Variants in UNC79 observed in about 807,000 individuals in gnomAD.
UNC79 encodes the protein protein unc-79 homolog.
UNC79 carries 37 observed loss-of-function variants against 283.1 expected under a neutral mutation model. The ratio of observed to expected loss-of-function variants is 0.13; its 90% confidence interval spans 0.10 to 0.17. UNC79 has a LOEUF of 0.17. Ranked by LOEUF, UNC79 falls within the 10% of genes least tolerant of loss-of-function variation. UNC79 has a pLI of 1.00. For synonymous variants in UNC79, 1,107 were observed against 1,200.2 expected (o/e 0.92, Z 1.61); for missense variants, 2,272 against 3,211.1 (o/e 0.71, Z 7.07).
At chr14:93,668,573 A>G (rs548048419) in intron 40 of UNC79, among the ~76,000 whole-genome samples, 1 of 151,728 alleles carries the variant, frequency 6.6e-6, no homozygotes, top group Admixed American at 6.6e-5. Context: ...GGCGGGGCAA[A>G]GTGGCTCATG....
chr14:93,654,011 A>G (rs1195431587), exon 37 of UNC79: 2 of 1,614,122 alleles, frequency 1.2e-6, no homozygotes, highest in Middle Eastern at 1.7e-4. Flanking sequence ...CGCAGCTCTC[A>G]GTCAGCTCCT....
intron 41 of UNC79, among the ~76,000 whole-genome samples, chr14:93,678,690 G>A (rs11848254): frequency 9.2e-5 from 14 of 151,778 alleles, no homozygotes; most frequent in African/African-American, 3.4e-4. Flanking sequence ...TTCCCCAGCT[G>A]CCTCTATTGT....
chr14:93,698,776 G>A (rs116814906), intron 47 of UNC79, among the ~76,000 whole-genome samples: 1,555 of 152,224 alleles, frequency 0.01, 27 homozygotes, highest in African/African-American at 0.034. Flanking sequence ...ATAAGCCACC[G>A]TGCTCAGGCT....
chr14:93,623,431 T>C (rs889997960), intron 30 of UNC79, among the ~76,000 whole-genome samples: 1 of 152,226 alleles, frequency 6.6e-6, no homozygotes, highest in African/African-American at 2.4e-5. Context: ...GCCCATGGGT[T>C]TCCTGCCTCA....
intron 41 of UNC79, 56 bp downstream of exon 44, chr14:93,673,511 A>G: frequency 6.7e-7 from 1 of 1,482,248 alleles, no homozygotes; most frequent in East Asian, 2.3e-5. Context: ...TGTTTGGGAA[A>G]ATTAAGGGAG....
chr14:93,512,097 G>A (rs564677856), intron 7 of UNC79, among the ~76,000 whole-genome samples: 2 of 152,198 alleles, frequency 1.3e-5, no homozygotes, highest in Admixed American at 6.5e-5. Flanking sequence ...TATTGCCTGT[G>A]TTATTTAGGA....
At chr14:93,386,746 T>C (rs575095703) in intron 1 of UNC79, among the ~76,000 whole-genome samples, 10 of 152,068 alleles carry the variant, frequency 6.6e-5, no homozygotes, top group Non-Finnish European at 1.0e-4. Flanking sequence ...CCAATTTAAT[T>C]CCTTTGGTAT....
chr14:93,639,214 T>C (rs923371633), intron 32 of UNC79, among the ~76,000 whole-genome samples: 2 of 152,202 alleles, frequency 1.3e-5, no homozygotes, highest in African/African-American at 4.8e-5. Context: ...CAATTTCTTA[T>C]GTTTCTAGTA....
intron 30 of UNC79, among the ~76,000 whole-genome samples, chr14:93,623,766 G>A (rs1440873289): frequency 3.3e-5 from 5 of 152,166 alleles, no homozygotes; most frequent in African/African-American, 4.8e-5. Flanking sequence ...GGTGGCGCAC[G>A]CCTATCATCC....
At chr14:93,340,758 G>T (rs912550251) in intron 1 of UNC79, among the ~76,000 whole-genome samples, 1 of 151,972 alleles carries the variant, frequency 6.6e-6, no homozygotes, top group Non-Finnish European at 1.5e-5. Flanking sequence ...TTTTTGTAGA[G>T]ATGGGGTTTT....
At chr14:93,403,829 T>C (rs2055160380) in intron 1 of UNC79, among the ~76,000 whole-genome samples, 2 of 151,088 alleles carry the variant, frequency 1.3e-5, no homozygotes, top group Non-Finnish European at 2.9e-5. Flanking sequence ...AACAATGATA[T>C]CATCTTGAAA....
upstream of UNC79, among the ~76,000 whole-genome samples, chr14:93,428,532 A>G (rs1237993294): frequency 1.3e-5 from 2 of 152,200 alleles, no homozygotes; most frequent in African/African-American, 4.8e-5. Context: ...AGTAATGGAT[A>G]TGGCCCAGGT....
intron 23 of UNC79, 126 bp downstream of exon 23, chr14:93,593,963 G>A: frequency 9.3e-7 from 1 of 1,075,416 alleles, no homozygotes; most frequent in South Asian, 1.8e-5. Flanking sequence ...GCTGGCTGGT[G>A]TCCTTTGGGG....
intron 1 of UNC79, among the ~76,000 whole-genome samples, chr14:93,393,624 C>A (rs887592917): frequency 1.3e-5 from 2 of 152,140 alleles, no homozygotes; most frequent in African/African-American, 2.4e-5. Flanking sequence ...AATATGCAAA[C>A]TTTTCTAGGT....
At chr14:93,390,730 A>G (rs961740139) in intron 1 of UNC79, among the ~76,000 whole-genome samples, 2 of 152,218 alleles carry the variant, frequency 1.3e-5, no homozygotes, top group Non-Finnish European at 2.9e-5. Flanking sequence ...AATTTTGAGT[A>G]TTCTTGGAAT....
chr14:93,608,728 G>A (rs2066071577), intron 26 of UNC79, among the ~76,000 whole-genome samples: 1 of 152,172 alleles, frequency 6.6e-6, no homozygotes, highest in Admixed American at 6.6e-5. Context: ...GTTTGGCAGA[G>A]GGGTCAGTGA....
chr14:93,378,801 A>T, intron 1 of UNC79, among the ~76,000 whole-genome samples: 1 of 152,224 alleles, frequency 6.6e-6, no homozygotes. Context: ...GTAGTAGCAT[A>T]TGCTACTTAT....
At chr14:93,538,250 A>G (rs2061181330) in intron 12 of UNC79, 32 bp downstream of exon 12, 1 of 1,507,368 alleles carries the variant, frequency 6.6e-7, no homozygotes, top group Non-Finnish European at 8.9e-7. Flanking sequence ...GCTGCCTCTG[A>G]CAACTCCACC....
chr14:93,653,986 T>C, exon 37 of UNC79: 1 of 1,614,146 alleles, frequency 6.2e-7, no homozygotes. Context: ...TGGACTTCAA[T>C]GAGCTGAGCT....
Sources: gnomAD v4.1 joint callset for allele counts (sites outside exome capture counted in the v4.1 genomes callset) on GRCh38, gnomAD v4.1.1 for gene constraint, MANE v1.5 for transcripts, NCBI Gene and HGNC (gene_info 2026-07-23, HGNC 2026-07-21) for gene names.